BRCA1: variants seen among roughly 807,000 people sequenced by gnomAD.
BRCA1 encodes the protein BRCA1 DNA repair associated, also known as breast cancer type 1 susceptibility protein.
Under a neutral mutation model 173.7 loss-of-function variants are expected in BRCA1, and 140 were observed. The observed-to-expected ratio is 0.81, with a 90% CI of 0.70 to 0.93. The LOEUF is 0.93. Among genes scored for constraint, BRCA1 ranks in the 40% least tolerant of loss-of-function variants. The probability of loss-of-function intolerance (pLI) is 0.00; values close to 1 mark genes in which losing one functional copy is unlikely to be tolerated. For synonymous variants in BRCA1, 662 were observed against 756.0 expected (o/e 0.88, Z 2.04); for missense variants, 1,983 against 2,172.5 (o/e 0.91, Z 1.73).
chr17:43,074,793 C>T lies in BRCA1; in HGVS notation c.4485-272G>A, dbSNP rs2052633194. The stretch of plus-strand genomic sequence containing the variant: ...GTCAGTAGCTGGGTGTGGTGGCTGG[C>T]GCCTGTAATCTCAGCTACTCGGGAG... On this transcript the variant is annotated intron_variant, in intron 13 of 22. Coordinates refer to ENST00000357654, the MANE Select transcript of BRCA1 (RefSeq NM_007294.4). Among the ~76,000 whole-genome samples, 6 of 152,010 alleles carry T rather than the reference C, an allele frequency of 3.9e-5. No homozygotes were observed. In the South Asian group the frequency reaches 1.2e-3, roughly 32 times the overall value.
chr17:43,144,963 A>G (rs976319584), intron 1 of BRCA1: 4 of 615,286 alleles, frequency 6.5e-6, no homozygotes, highest in Non-Finnish European at 1.3e-5. Flanking sequence ...AGGATGCCCA[A>G]GAAAAAGGTC....
rs8176193 is a variant in BRCA1, at chr17:43,079,499, C to T, written c.4358-2885G>A. On this transcript the variant is annotated intron_variant, in intron 12 of 22. Coordinates refer to ENST00000357654, the MANE Select transcript of BRCA1 (RefSeq NM_007294.4). Reference sequence around the variant, plus strand: ...ATGGCAAAACTGGAAAAGTCTACAACGTGACCCAGCATGCTGTTGGCATCG... The same window carrying T: ...ATGGCAAAACTGGAAAAGTCTACAATGTGACCCAGCATGCTGTTGGCATCG... The T allele has an allele frequency of 0.35, 428,647 of 1,219,878 alleles. 76,767 individuals carry two copies. The highest frequency in any genetic ancestry group is 0.5 in the South Asian group (42,054 of 83,648). 75.6% of individuals were successfully genotyped at this position (1,219,878 alleles called of 1,614,324 possible).
rs1555574342 is a variant in BRCA1, at chr17:43,045,695, G to T, written c.5575C>A (p.Pro1859Thr). 2 of 1,613,650 alleles carry T rather than the reference G, an allele frequency of 1.2e-6. No homozygotes were observed. Among genetic ancestry groups the T allele is most frequent in the Non-Finnish European group, 1.7e-6 (2 of 1,179,748 alleles). ...ELDTYLIPQI[P>T]HSHY ...GGCTGCAGTCAGTAGTGGCTGTGGG[G>T]GATCTGGGGTATCAGGTAGGTGTCC... The change falls in exon 23 of 23, where the codon CCC becomes ACC. Residue 1859 changes from proline to threonine, a missense_variant. Coordinates refer to ENST00000357654, the MANE Select transcript of BRCA1 (RefSeq NM_007294.4).
intron 1 of BRCA1, chr17:43,163,854 G>A (rs1195481726): frequency 6.6e-6 from 1 of 152,290 alleles, no homozygotes; most frequent in Non-Finnish European, 1.5e-5. Flanking sequence ...ACTTAGTGTT[G>A]GGAGATGGAG....
rs146959162 is a variant in BRCA1 at position 43,060,163 on chromosome 17, C to T, written c.5194-3028G>A. 3.5e-4 allele frequency among the ~76,000 whole-genome samples: 54 copies of T among 152,208 alleles called. No individual in the cohort carries two copies. In the East Asian group the frequency reaches 8.7e-3, roughly 25 times the overall value. On this transcript the variant is annotated intron_variant, in intron 18 of 22. Transcript: ENST00000357654. ...TCAGCTCACCACAACCTCCACCTCC[C>T]GGGTTGATGAAGTGATTCTCTTGTC...
At chr17:43,152,984 G>A (rs1319326095) in intron 1 of BRCA1, among the ~76,000 whole-genome samples, 2 of 152,094 alleles carry the variant, frequency 1.3e-5, no homozygotes, top group African/African-American at 2.4e-5. Context: ...GCAGTGAGCC[G>A]AGATCTTGCC....
chr17:43,156,813 G>T (rs1169341089), intron 1 of BRCA1, among the ~76,000 whole-genome samples: 15 of 152,268 alleles, frequency 9.9e-5, no homozygotes, highest in Middle Eastern at 3.4e-3. Flanking sequence ...AACATAAACT[G>T]TGAACAGATG....
chr17:43,075,238 C>T (rs143126962), intron 13 of BRCA1, among the ~76,000 whole-genome samples: 7 of 152,152 alleles, frequency 4.6e-5, no homozygotes, highest in African/African-American at 7.2e-5. Context: ...TGATCAATGT[C>T]GACATCTCTA....
intron 3 of BRCA1, among the ~76,000 whole-genome samples, chr17:43,108,742 C>A (rs974018702): frequency 1.4e-5 from 2 of 141,950 alleles, no homozygotes; most frequent in Non-Finnish European, 3.0e-5. Flanking sequence ...AGGCCAGGAG[C>A]GGTGGCTCAC....
intron 2 of BRCA1, among the ~76,000 whole-genome samples, chr17:43,118,029 T>A (rs1020589871): frequency 1.3e-5 from 2 of 151,050 alleles, no homozygotes; most frequent in African/African-American, 4.9e-5. Flanking sequence ...AAGAGAAAAA[T>A]TAAGCAGGGT....
At chr17:43,169,714 G>A (rs960181634) in intron 1 of BRCA1, among the ~76,000 whole-genome samples, 8 of 151,120 alleles carry the variant, frequency 5.3e-5, no homozygotes, top group Non-Finnish European at 1.0e-4. Context: ...CCGTCCCCCG[G>A]AGCATCCCTT....
rs1555600862 is a variant in BRCA1 at position 43,124,019 on chromosome 17, G to A, written c.78C>T (p.Ile26=). 1 of 1,610,564 alleles carries A rather than the reference G, an allele frequency of 6.2e-7. No homozygotes were observed. Among genetic ancestry groups the A allele is most frequent in the Non-Finnish European group, 8.5e-7 (1 of 1,176,848 alleles). ...AATACACTCTTGTGCTGACTTACCA[G>A]ATGGGACACTCTAAGATTTTCTGCA... The part of the protein sequence containing the change: ...NAMQKILECP[I]CLELIKEPVS... Residue 26 remains isoleucine, a splice_region_variant and synonymous_variant, in exon 2 of 23, where the codon ATC becomes ATT. Transcript: ENST00000357654.
chr17:43,144,262 G>A (rs1379625783), intron 1 of BRCA1: 2 of 311,276 alleles, frequency 6.4e-6, no homozygotes, highest in Non-Finnish European at 1.3e-5. Context: ...ATCTTGTAAG[G>A]GCGAAAAGCC....
intron 6 of BRCA1, among the ~76,000 whole-genome samples, chr17:43,100,585 C>CATATATATAACAT (rs2054356329): frequency 6.4e-5 from 6 of 93,542 alleles, no homozygotes; most frequent in African/African-American, 2.6e-4. Context: ...ATATATATAA[C>CATATATATAACAT]ATATATATAT....
chr17:43,119,602 C>T (rs2055457031), intron 2 of BRCA1, among the ~76,000 whole-genome samples: 1 of 152,180 alleles, frequency 6.6e-6, no homozygotes, highest in African/African-American at 2.4e-5. Context: ...AAATGCTTCA[C>T]AACCTGAGAT....
chr17:43,071,516 C>A (rs1175969050), intron 14 of BRCA1, among the ~76,000 whole-genome samples: 2 of 83,848 alleles, frequency 2.4e-5, no homozygotes, highest in Non-Finnish European at 5.5e-5. Context: ...AAGGTTTAGT[C>A]ATAGGAATAG....
intron 9 of BRCA1, 65 bp from the exon 10 acceptor site, chr17:43,094,925 C>T: frequency 6.9e-7 from 1 of 1,445,118 alleles, no homozygotes; most frequent in Non-Finnish European, 9.5e-7. Flanking sequence ...ATACATACTT[C>T]ATACACCTTG....
chr17:43,106,118 TA>T (rs766678487), intron 4 of BRCA1, among the ~76,000 whole-genome samples: 494 of 124,392 alleles, frequency 4.0e-3, no homozygotes, highest in Admixed American at 4.5e-3. Flanking sequence ...GACCCTGTCT[TA>T]AAAAAAAAAA....
chr17:43,102,913 C>T (rs965233270), intron 6 of BRCA1, among the ~76,000 whole-genome samples: 2 of 151,658 alleles, frequency 1.3e-5, no homozygotes, highest in African/African-American at 4.8e-5. Context: ...CCTCCTAGTG[C>T]TGGAATTACA....
Sources: allele counts gnomAD v4.1 joint callset (sites outside exome capture counted in the v4.1 genomes callset), GRCh38; gene constraint gnomAD v4.1.1; transcripts MANE v1.5; gene names NCBI Gene and HGNC (gene_info 2026-07-23, HGNC 2026-07-21).